The following ERN1 variants were observed in gnomAD, a reference collection of about 807,000 sequenced individuals.
ERN1 encodes endoplasmic reticulum to nucleus signaling 1.
Under a neutral mutation model 113.1 loss-of-function variants are expected in ERN1, and 39 were observed. The observed-to-expected ratio is 0.34, with a 90% confidence interval of 0.27 to 0.45. The LOEUF is 0.45. Among genes scored for constraint, ERN1 ranks in the 20% least tolerant of loss-of-function variants. The pLI is 1.00. For missense variants in ERN1, 976 were observed against 1,274.8 expected (o/e 0.77, Z 3.57); for synonymous variants, 507 against 515.9 (o/e 0.98, Z 0.23).
Position 64,057,914 on chromosome 17 carries a change from G to A in ERN1, c.1286C>T (p.Ala429Val), listed in dbSNP as rs1237742811. ...SRDVEEKPAHAPARPEAPVDS... is the reference protein window; with the variant it reads ...SRDVEEKPAHVPARPEAPVDS... ...CACGGGGGCCTCGGGCCGGGCAGGGGCATGGGCGGGCTTCTCCTCCACATC... is the reference window on the plus strand; with the variant it reads ...CACGGGGGCCTCGGGCCGGGCAGGGACATGGGCGGGCTTCTCCTCCACATC... Residue 429 changes from alanine to valine, a missense_variant, in exon 12 of 22, where the codon GCC (alanine) becomes GTC (valine). By Grantham distance (64) the Ala-to-Val change is moderately conservative (BLOSUM62 0). Coordinates refer to ENST00000433197, the MANE Select transcript of ERN1 (RefSeq NM_001433.5). The A allele has an allele frequency of 6.2e-7, 1 of 1,611,868 alleles. No homozygotes were observed. The highest frequency in any genetic ancestry group is 1.7e-5 in the Admixed American group (1 of 59,666).
chr17:64,104,442 G>A (rs1013444818), intron 1 of ERN1, among the ~76,000 whole-genome samples: 2 of 151,656 alleles, frequency 1.3e-5, no homozygotes, highest in African/African-American at 4.8e-5. Flanking sequence ...TTTCAGAAAT[G>A]TTGCTTTTGC....
chr17:64,111,783 C>G (rs1027463222), intron 1 of ERN1, among the ~76,000 whole-genome samples: 24 of 152,146 alleles, frequency 1.6e-4, no homozygotes, highest in African/African-American at 5.6e-4. Context: ...ATAGCAACAT[C>G]TCTCTAAACA....
intron 2 of ERN1, among the ~76,000 whole-genome samples, chr17:64,095,027 T>C (rs1914191606): frequency 6.6e-6 from 1 of 152,232 alleles, no homozygotes. Context: ...ACTCAGGGTA[T>C]CTGCACATTA....
At chr17:64,090,601 T>C (rs1406746535) in intron 2 of ERN1, among the ~76,000 whole-genome samples, 1 of 152,104 alleles carries the variant, frequency 6.6e-6, no homozygotes, top group East Asian at 1.9e-4. Context: ...ATAAGGCACT[T>C]TATCCATGTA....
At chr17:64,048,510 C>T (rs934859273) in intron 18 of ERN1, among the ~76,000 whole-genome samples, 3 of 152,134 alleles carry the variant, frequency 2.0e-5, no homozygotes, top group Middle Eastern at 3.4e-3. Context: ...ATAAACAAAA[C>T]AATAATTTAG....
intron 4 of ERN1, among the ~76,000 whole-genome samples, chr17:64,077,075 G>C (rs918687456): frequency 1.3e-5 from 2 of 152,166 alleles, no homozygotes; most frequent in Admixed American, 1.3e-4. Flanking sequence ...TTAAGAAATG[G>C]GGACTACAGA....
In ERN1 at chr17:64,064,066, G is replaced by C; in HGVS notation, c.1007C>G (p.Pro336Arg). ...GGGATCAAACTTGACGTCCGTGCTG[G>C]GCGTGATCACACACTCCCCCTTGTC... ...IGDKGECVIT[P>R]STDVKFDPGL... Residue 336 changes from proline to arginine, a missense_variant, in exon 10 of 22, where the codon CCC (proline) becomes CGC (arginine). Pro to Arg is a moderately radical substitution (Grantham distance 103). Around this residue, in one of 5 missense-constraint regions of ERN1, gnomAD observed 459 missense variants for 581.2 expected, o/e 0.79. Transcript: ENST00000433197. 1 of 1,613,706 alleles carries C rather than the reference G, an allele frequency of 6.2e-7. No individual in the cohort carries two copies. The highest frequency in any genetic ancestry group is 8.5e-7 in the Non-Finnish European group (1 of 1,179,762).
intron 2 of ERN1, among the ~76,000 whole-genome samples, chr17:64,086,089 C>T (rs946749906): frequency 1.3e-5 from 2 of 152,234 alleles, no homozygotes; most frequent in African/African-American, 4.8e-5. Flanking sequence ...CTCCAAGGAT[C>T]TTCAACTCCT....
At chr17:64,116,573 G>A (rs762386185) in intron 1 of ERN1, among the ~76,000 whole-genome samples, 6 of 151,698 alleles carry the variant, frequency 4.0e-5, no homozygotes, top group African/African-American at 9.7e-5. Flanking sequence ...CTTTCTTACC[G>A]CATTTCAATT....
chr17:64,110,605 A>G lies in ERN1; in HGVS notation c.55-12364T>C, dbSNP rs1343136659. 4.6e-5 allele frequency among the ~76,000 whole-genome samples: 7 copies of G among 152,204 alleles called. No individual in the cohort carries two copies. The East Asian group carries it at 1.3e-3, about 29-fold the overall frequency. On this transcript the variant is annotated intron_variant, in intron 1 of 21. Transcript: ENST00000433197. ...CACAGGACAACTCCTTTGAACTGTA[A>G]GGCCCATTTTAATGACCAAGCATAA...
At chr17:64,095,311 C>T (rs1914200470) in intron 2 of ERN1, among the ~76,000 whole-genome samples, 1 of 152,156 alleles carries the variant, frequency 6.6e-6, no homozygotes, top group African/African-American at 2.4e-5. Context: ...TGCCTGTAAT[C>T]CAAGCTACTC....
At chr17:64,064,585 G>A (rs541976323) in intron 9 of ERN1, among the ~76,000 whole-genome samples, 30 of 152,306 alleles carry the variant, frequency 2.0e-4, no homozygotes, top group Non-Finnish European at 3.4e-4. Context: ...AGAAGCAGCC[G>A]CCCAAATCAC....
At chr17:64,075,600 AT>A (rs1334138975) in intron 4 of ERN1, among the ~76,000 whole-genome samples, 2 of 152,042 alleles carry the variant, frequency 1.3e-5, no homozygotes, top group Non-Finnish European at 2.9e-5. Flanking sequence ...CACCCAGCTA[AT>A]TTTCCACATC....
At chr17:64,111,678 A>G (rs1471070204) in intron 1 of ERN1, among the ~76,000 whole-genome samples, 1 of 152,168 alleles carries the variant, frequency 6.6e-6, no homozygotes. Flanking sequence ...TCTTATTGCC[A>G]TCTTCTCTAG....
chr17:64,064,381 T>G (rs1457523777), intron 9 of ERN1, among the ~76,000 whole-genome samples: 1 of 152,246 alleles, frequency 6.6e-6, no homozygotes, highest in Non-Finnish European at 1.5e-5. Flanking sequence ...GTCTGGGTAC[T>G]GGGGAACAAG....
At chr17:64,116,758 G>T (rs1308781621) in intron 1 of ERN1, among the ~76,000 whole-genome samples, 1 of 151,996 alleles carries the variant, frequency 6.6e-6, no homozygotes, top group East Asian at 1.9e-4. Context: ...AGTTGTGGGG[G>T]TTTTCTGAGG....
In ERN1 at chr17:64,054,913, CCTCAGATTAA is replaced by C. The variant is rs1598048206; in HGVS notation, c.1673-95_1673-86del. On this transcript the variant is annotated intron_variant, in intron 13 of 21. Coordinates refer to ENST00000433197, the MANE Select transcript of ERN1 (RefSeq NM_001433.5). This position sits in a 1 kb window ranked among gnomAD's most constrained non-coding sequence, Gnocchi z 4.9. Reference sequence around the variant, plus strand: ...GTTAACATAGTGACAAGCTTCCTGACCTCAGATTAAAAGATGGGATTTAAGAGGCACTGCA... The same window carrying C: ...GTTAACATAGTGACAAGCTTCCTGACAAGATGGGATTTAAGAGGCACTGCA... The C allele has an allele frequency of 2.2e-4, 231 of 1,049,788 alleles. 3 individuals carry two copies. In the East Asian group the frequency reaches 5.9e-3, roughly 27 times the overall value. 65.0% of individuals were successfully genotyped at this position (1,049,788 alleles called of 1,614,324 possible). A position where few individuals can be genotyped will look rare whatever the true frequency, so the allele number is the denominator to read the frequency against.
chr17:64,099,655 G>C (rs1010637117), intron 1 of ERN1, among the ~76,000 whole-genome samples: 1 of 152,062 alleles, frequency 6.6e-6, no homozygotes, highest in Non-Finnish European at 1.5e-5. Flanking sequence ...TTGTGCATGG[G>C]AGCCTGATCC....
intron 3 of ERN1, 132 bp downstream of exon 3, chr17:64,080,643 G>A: frequency 1.3e-6 from 1 of 779,780 alleles, no homozygotes. Context: ...GCACCTGTAA[G>A]ACTTTATATG....
Sources: gnomAD v4.1 joint callset for allele counts (sites outside exome capture counted in the v4.1 genomes callset) on GRCh38, gnomAD v4.1.1 for gene constraint, gnomAD v4.1.1 regional missense constraint, Gnocchi (gnomAD v3.1) non-coding constraint, MANE v1.5 for transcripts, NCBI Gene and HGNC (gene_info 2026-07-23, HGNC 2026-07-21) for gene names.